The following TPD52L1 variants were observed in gnomAD, a reference collection of about 807,000 sequenced individuals.
The protein encoded by TPD52L1 is tumor protein D53.
Under a neutral mutation model 28.7 loss-of-function variants are expected in TPD52L1, and 18 were observed. The observed-to-expected ratio is 0.63, with a 90% CI of 0.43 to 0.93. The LOEUF is 0.93. Ranked by LOEUF, TPD52L1 falls within the 40% of genes least tolerant of loss-of-function variation. The probability of loss-of-function intolerance (pLI) is 0.00; values close to 1 mark genes in which losing one functional copy is unlikely to be tolerated. For missense variants in TPD52L1, 203 were observed against 254.8 expected (o/e 0.80, Z 1.39); for synonymous variants, 75 against 88.8 (o/e 0.84, Z 0.88).
chr6:125,154,548 C>CA, intron 1 of TPD52L1: 1 of 984,848 alleles, frequency 1.0e-6, no homozygotes, highest in Non-Finnish European at 1.2e-6. Flanking sequence ...TCCCGGTTTC[C>CA]GCGATCGGGG....
At chr6:125,235,822 C>G (rs1044761267) in intron 3 of TPD52L1, among the ~76,000 whole-genome samples, 1 of 152,086 alleles carries the variant, frequency 6.6e-6, no homozygotes, top group Non-Finnish European at 1.5e-5. Context: ...AGAAGGATTG[C>G]CAGAGTCTAG....
intron 3 of TPD52L1, among the ~76,000 whole-genome samples, chr6:125,242,450 T>A (rs1796672380): frequency 6.6e-6 from 1 of 152,108 alleles, no homozygotes; most frequent in Non-Finnish European, 1.5e-5. Context: ...TGGTAGTAAT[T>A]GTTTTATGAA....
intron 4 of TPD52L1, 74 bp downstream of exon 4, chr6:125,248,457 C>A: frequency 9.7e-7 from 1 of 1,027,146 alleles, no homozygotes; most frequent in Non-Finnish European, 1.5e-6. Flanking sequence ...TAGCTATTAG[C>A]TGCTCATCTC....
intron 1 of TPD52L1, among the ~76,000 whole-genome samples, chr6:125,215,172 T>G (rs1002808671): frequency 2.6e-5 from 4 of 152,208 alleles, no homozygotes; most frequent in African/African-American, 9.6e-5. Context: ...ACTAGGTAAT[T>G]TTATACTTAT....
At chr6:125,211,257 ATCTG>A (rs140587319) in intron 1 of TPD52L1, among the ~76,000 whole-genome samples, 7 of 125,760 alleles carry the variant, frequency 5.6e-5, no homozygotes, top group African/African-American at 3.2e-5. Context: ...AGATATATGG[ATCTG>A]TCTATCTATC....
intron 1 of TPD52L1, among the ~76,000 whole-genome samples, chr6:125,179,742 T>G (rs540420066): frequency 6.6e-6 from 1 of 152,328 alleles, no homozygotes; most frequent in African/African-American, 2.4e-5. Context: ...TCAATAGAAC[T>G]AACTAAATTC....
chr6:125,161,124 A>T (rs1790499719), intron 1 of TPD52L1, among the ~76,000 whole-genome samples: 1 of 152,200 alleles, frequency 6.6e-6, no homozygotes, highest in South Asian at 2.1e-4. Context: ...AAGTGCTGGG[A>T]TTACAGGCAT....
intron 1 of TPD52L1, among the ~76,000 whole-genome samples, chr6:125,216,503 T>C (rs1794884593): frequency 7.2e-6 from 1 of 139,318 alleles, no homozygotes; most frequent in Admixed American, 7.2e-5. Context: ...AAACCAAGTT[T>C]GCAACAGTAA....
intron 5 of TPD52L1, 37 bp downstream of exon 5, chr6:125,253,792 GA>G: frequency 6.5e-7 from 1 of 1,545,570 alleles, no homozygotes; most frequent in Non-Finnish European, 8.9e-7. Context: ...ATATTAATAT[GA>G]AATGTGTTTA....
intron 1 of TPD52L1, among the ~76,000 whole-genome samples, chr6:125,189,369 A>C (rs150834993): frequency 1.9e-4 from 29 of 152,298 alleles, no homozygotes; most frequent in African/African-American, 6.7e-4. Flanking sequence ...TTTAAAGTGG[A>C]AGTGTTTGAA....
chr6:125,250,989 TC>T (rs1797231178), intron 4 of TPD52L1, among the ~76,000 whole-genome samples: 2 of 152,342 alleles, frequency 1.3e-5, no homozygotes, highest in East Asian at 3.9e-4. Context: ...TCAAACTATA[TC>T]TAACATTTGT....
chr6:125,190,536 A>T (rs1042512967), intron 1 of TPD52L1, among the ~76,000 whole-genome samples: 18 of 152,316 alleles, frequency 1.2e-4, no homozygotes, highest in African/African-American at 4.1e-4. Context: ...ACTCAAAAAC[A>T]TTACATTTAC....
intron 1 of TPD52L1, among the ~76,000 whole-genome samples, chr6:125,181,981 T>A (rs986511208): frequency 6.6e-6 from 1 of 152,172 alleles, no homozygotes; most frequent in African/African-American, 2.4e-5. Context: ...CTGGTCTAGA[T>A]CACCCCTTCA....
intron 1 of TPD52L1, among the ~76,000 whole-genome samples, chr6:125,168,353 C>A (rs932572222): frequency 2.0e-5 from 3 of 151,998 alleles, no homozygotes; most frequent in African/African-American, 7.2e-5. Context: ...CTGAGACCCA[C>A]CACAGGGATA....
At chr6:125,235,652 A>G (rs1165302364) in intron 3 of TPD52L1, among the ~76,000 whole-genome samples, 4 of 152,204 alleles carry the variant, frequency 2.6e-5, no homozygotes, top group Admixed American at 6.5e-5. Context: ...ATTTCCCGAC[A>G]TATAACCCTT....
At chr6:125,255,035 G>A (rs1797514108) in intron 5 of TPD52L1, among the ~76,000 whole-genome samples, 1 of 152,144 alleles carries the variant, frequency 6.6e-6, no homozygotes, top group Non-Finnish European at 1.5e-5. Context: ...ATCTTTGAAT[G>A]GCTTGCTCTC....
intron 1 of TPD52L1, among the ~76,000 whole-genome samples, chr6:125,163,479 G>C (rs1052678489): frequency 6.6e-6 from 1 of 151,936 alleles, no homozygotes. Flanking sequence ...CTACTTGGGA[G>C]GCTGAGGTGG....
chr6:125,229,729 A>G (rs533471426), intron 3 of TPD52L1, among the ~76,000 whole-genome samples: 72 of 152,316 alleles, frequency 4.7e-4, no homozygotes, highest in African/African-American at 1.7e-3. Context: ...TGTACTTTTC[A>G]TCTTTTGTTT....
intron 2 of TPD52L1, among the ~76,000 whole-genome samples, chr6:125,222,219 T>C (rs1228629949): frequency 1.3e-5 from 2 of 152,220 alleles, no homozygotes; most frequent in Non-Finnish European, 2.9e-5. Context: ...CAAGGACACA[T>C]AGAAAGCCAT....
Sources: gnomAD v4.1 joint callset for allele counts (sites outside exome capture counted in the v4.1 genomes callset) on GRCh38, gnomAD v4.1.1 for gene constraint, MANE v1.5 for transcripts, NCBI Gene and HGNC (gene_info 2026-07-23, HGNC 2026-07-21) for gene names.